The following PWWP2B variants were observed in gnomAD, a reference collection of about 807,000 sequenced individuals.
The protein encoded by PWWP2B is PWWP domain containing 2B.
PWWP2B carries 9 observed loss-of-function variants against 15.5 expected under a neutral mutation model. That is an observed-to-expected ratio of 0.58 (90% CI 0.35 to 1.02). The LOEUF (loss-of-function observed/expected upper bound fraction) is 1.02, where lower values mean the gene tolerates loss of function less well. Among genes scored for constraint, PWWP2B ranks in the 50% least tolerant of loss-of-function variants. The probability of loss-of-function intolerance (pLI) is 0.02; values close to 1 mark genes in which losing one functional copy is unlikely to be tolerated. For missense variants in PWWP2B, 864 were observed against 865.3 expected (o/e 1.00, Z 0.02); for synonymous variants, 474 against 403.6 (o/e 1.17, Z -2.09).
chr10:132,406,399 C>A, intron 2 of PWWP2B, 110 bp downstream of exon 2: 1 of 974,482 alleles, frequency 1.0e-6, no homozygotes, highest in South Asian at 1.8e-5. Context: ...CCGCCTGTGC[C>A]CCTCAGCTGG....
At chr10:132,404,222 A>G (rs112765631) in intron 1 of PWWP2B, among the ~76,000 whole-genome samples, 7,512 of 151,962 alleles carry the variant, frequency 0.049, 202 homozygotes, top group Middle Eastern at 0.11. Context: ...AAGGAGCCTG[A>G]GTTTTGGGGT....
rs975360491 is a variant in PWWP2B at position 132,405,026 on chromosome 10, G to A, written c.526G>A (p.Val176Met). ...CACCATCCGCCTGCGGCCGCGCCAG[G>A]TGCTCTGTGAGAAGTGCAAGAGCAC... ...LSTIRLRPRQVLCEKCKSTLS... is the reference protein window; with the variant it reads ...LSTIRLRPRQMLCEKCKSTLS... The change falls in exon 2 of 3, where the codon GTG (valine) becomes ATG (methionine). Residue 176 changes from valine (V) to methionine (M), a missense_variant. By Grantham distance (21) the Val-to-Met change is conservative. Around this residue, in one of 2 missense-constraint regions of PWWP2B, gnomAD observed 736 missense variants for 687.7 expected, o/e 1.07. Coordinates refer to ENST00000305233, the MANE Select transcript of PWWP2B (RefSeq NM_138499.4). 2 of 1,528,600 alleles carry A rather than the reference G, an allele frequency of 1.3e-6. No homozygotes were observed. The highest frequency in any genetic ancestry group is 1.8e-6 in the Non-Finnish European group (2 of 1,142,148). 94.7% of individuals were successfully genotyped at this position (1,528,600 alleles called of 1,614,324 possible).
In PWWP2B at chr10:132,405,502, C is replaced by T. The variant is rs1280391285; in HGVS notation, c.1002C>T (p.Arg334=). 2.5e-6 allele frequency: 4 copies of T among 1,603,750 alleles called. No individual in the cohort carries two copies. Among genetic ancestry groups the T allele is most frequent in the Non-Finnish European group, 3.4e-6 (4 of 1,179,418 alleles). ...AGADLPPPKI[R]LKPHRLGDSE... ...CGGACCTGCCGCCCCCTAAGATCCG[C>T]CTGAAGCCCCACCGTCTGGGGGACA... Residue 334 remains arginine, a synonymous_variant, in exon 2 of 3, where the codon CGC becomes CGT. Transcript: ENST00000305233.
At chr10:132,406,573 G>T (rs1564875485) in intron 2 of PWWP2B, among the ~76,000 whole-genome samples, 1 of 152,278 alleles carries the variant, frequency 6.6e-6, no homozygotes, top group Non-Finnish European at 1.5e-5. Flanking sequence ...TCAAAGGCCG[G>T]AAGGGAGCTT....
At position 132,400,290 on chromosome 10, in the gene PWWP2B, G is replaced by A. The variant is rs1002786494; in HGVS notation, c.125+2939G>A. Among the ~76,000 whole-genome samples, 6 of 152,184 alleles carry A rather than the reference G, an allele frequency of 3.9e-5. No homozygotes were observed. In the East Asian group the frequency reaches 5.8e-4, roughly 15 times the overall value. The stretch of plus-strand genomic sequence containing the variant: ...GCATGGCTGGTCTTCGGAGCGTCTC[G>A]AGGGGATGGCATCTGAGTGAGTGGG... On this transcript the variant is annotated intron_variant, in intron 1 of 2. Transcript: ENST00000305233.
At chr10:132,402,857 T>C (rs1249828965) in intron 1 of PWWP2B, among the ~76,000 whole-genome samples, 1 of 152,248 alleles carries the variant, frequency 6.6e-6, no homozygotes, top group African/African-American at 2.4e-5. Context: ...ACCTGGGGGC[T>C]GTGCTGTGTG....
intron 2 of PWWP2B, among the ~76,000 whole-genome samples, chr10:132,414,166 C>T (rs943999205): frequency 7.2e-5 from 11 of 152,226 alleles, no homozygotes; most frequent in African/African-American, 1.2e-4. Flanking sequence ...AAGGCTCCTG[C>T]GAAGGCCACT....
chr10:132,400,051 G>T (rs928264559), intron 1 of PWWP2B, among the ~76,000 whole-genome samples: 1 of 152,194 alleles, frequency 6.6e-6, no homozygotes, highest in Non-Finnish European at 1.5e-5. Flanking sequence ...TGCCTGTCCC[G>T]GCAGAAGGGC....
chr10:132,415,644 C>T (rs1263591707), intron 2 of PWWP2B, among the ~76,000 whole-genome samples: 11 of 125,528 alleles, frequency 8.8e-5, no homozygotes, highest in African/African-American at 3.4e-4. Context: ...CACACACCCA[C>T]TCACACACAC....
intron 1 of PWWP2B, 72 bp from the exon 2 acceptor site, chr10:132,404,552 GCT>G (rs989501084): frequency 1.5e-6 from 2 of 1,341,386 alleles, no homozygotes; most frequent in Non-Finnish European, 2.1e-6. Flanking sequence ...GGGGGCCTTG[GCT>G]CTGGGGGCTG....
intron 2 of PWWP2B, among the ~76,000 whole-genome samples, chr10:132,416,702 T>C (rs890737444): frequency 3.3e-5 from 5 of 151,938 alleles, no homozygotes; most frequent in Non-Finnish European, 5.9e-5. Context: ...CGGAGTCATG[T>C]ATGGGGGTCC....
At chr10:132,409,019 G>A (rs1168840030) in intron 2 of PWWP2B, among the ~76,000 whole-genome samples, 1 of 152,242 alleles carries the variant, frequency 6.6e-6, no homozygotes, top group African/African-American at 2.4e-5. Context: ...GGCTGGGCTG[G>A]CCTCCTGTGC....
Position 132,405,469 on chromosome 10 carries a change from G to C in PWWP2B, c.969G>C (p.Pro323=). The C allele has an allele frequency of 6.2e-7, 1 of 1,605,922 alleles. No homozygotes were observed. The highest frequency in any genetic ancestry group is 8.5e-7 in the Non-Finnish European group (1 of 1,179,428). ...AGTTGAAACTGACACGGCCTGTGCC[G>C]GCCGGCGCGGACCTGCCGCCCCCTA... The part of the protein sequence containing the change: ...IPKLKLTRPV[P]AGADLPPPKI... The change falls in exon 2 of 3, where the codon CCG becomes CCC. Residue 323 remains proline (P), a synonymous_variant. Transcript: ENST00000305233.
rs1037013033 is a variant in PWWP2B, at chr10:132,405,373, C to T, written c.873C>T (p.Ser291=). The change falls in exon 2 of 3, where the codon AGC becomes AGT. Residue 291 remains serine (S), a synonymous_variant. Transcript: ENST00000305233. ...AGCAGGCCCCGCAGGACGACGGCAGCCAGGACCCCGAGGTGCTGGACAGAG... is the reference window on the plus strand; with the variant it reads ...AGCAGGCCCCGCAGGACGACGGCAGTCAGGACCCCGAGGTGCTGGACAGAG... ...RPQQAPQDDG[S]QDPEVLDRES... The T allele has an allele frequency of 1.3e-5, 21 of 1,611,020 alleles. No individual in the cohort carries two copies. Among genetic ancestry groups the T allele is most frequent in the Non-Finnish European group, 1.7e-5 (20 of 1,178,982 alleles).
Position 132,405,561 on chromosome 10 carries a change from TGGG to T in PWWP2B, c.1064_1066del (p.Gly355del). 6.2e-7 allele frequency: 1 copy of T among 1,606,672 alleles called. No individual in the cohort carries two copies. Among genetic ancestry groups the T allele is most frequent in the Non-Finnish European group, 8.5e-7 (1 of 1,179,064 alleles). On this transcript the variant is annotated inframe_deletion, in exon 2 of 3. Coordinates refer to ENST00000305233, the MANE Select transcript of PWWP2B (RefSeq NM_138499.4). Reference sequence around the variant, plus strand: ...GAGCCCGTGTACCGGGCCGAGCTGGTGGGGGAGCTGAACGGGTACCTGCGGGAC... The same window carrying T: ...GAGCCCGTGTACCGGGCCGAGCTGGTGGAGCTGAACGGGTACCTGCGGGAC...
rs753483839 is a variant in PWWP2B, at chr10:132,406,041, G to T, written c.1541G>T (p.Gly514Val). Reference protein sequence around the residue: ...WPARVLDISLGQKEDGEPSWR... With the variant: ...WPARVLDISLVQKEDGEPSWR... The stretch of plus-strand genomic sequence containing the variant: ...GCGCGTGTTCTTGACATCAGTCTCG[G>T]CCAGAAGGAGGACGGAGAGCCGTCT... Residue 514 changes from glycine to valine, a missense_variant, in exon 2 of 3, where the codon GGC becomes GTC. By Grantham distance (109) the Gly-to-Val change is moderately radical. This residue lies in a region of PWWP2B where 128 missense variants were observed against 177.6 expected (regional missense o/e 0.72). Coordinates refer to ENST00000305233, the MANE Select transcript of PWWP2B (RefSeq NM_138499.4). 8 of 1,613,768 alleles carry T rather than the reference G, an allele frequency of 5.0e-6. No individual in the cohort carries two copies. The South Asian group carries it at 5.5e-5, about 11-fold the overall frequency.
Position 132,405,476 on chromosome 10 carries a change from G to C in PWWP2B, c.976G>C (p.Ala326Pro), listed in dbSNP as rs911653247. Residue 326 changes from alanine (A) to proline (P), a missense_variant, in exon 2 of 3, where the codon GCG (alanine) becomes CCG (proline). By Grantham distance (27) the Ala-to-Pro change is conservative. This residue lies in a region of PWWP2B where 736 missense variants were observed against 687.7 expected (regional missense o/e 1.07). Transcript: ENST00000305233. ...ACTGACACGGCCTGTGCCGGCCGGC[G>C]CGGACCTGCCGCCCCCTAAGATCCG... Reference protein sequence around the residue: ...LKLTRPVPAGADLPPPKIRLK... With the variant: ...LKLTRPVPAGPDLPPPKIRLK... The C allele has an allele frequency of 6.2e-7, 1 of 1,605,148 alleles. No homozygotes were observed. Among genetic ancestry groups the C allele is most frequent in the African/African-American group, 1.3e-5 (1 of 74,914 alleles).
At chr10:132,403,614 A>G (rs2069640769) in intron 1 of PWWP2B, among the ~76,000 whole-genome samples, 1 of 152,224 alleles carries the variant, frequency 6.6e-6, no homozygotes, top group Admixed American at 6.5e-5. Context: ...CCTGCACTCT[A>G]GGACGTGAGC....
chr10:132,415,631 ACT>A (rs1016050996), intron 2 of PWWP2B, among the ~76,000 whole-genome samples: 1 of 136,726 alleles, frequency 7.3e-6, no homozygotes, highest in Non-Finnish European at 1.5e-5. Flanking sequence ...TCACACATCC[ACT>A]CACACACCCA....
Sources: allele counts gnomAD v4.1 joint callset (sites outside exome capture counted in the v4.1 genomes callset), GRCh38; gene constraint gnomAD v4.1.1; regional missense constraint gnomAD v4.1.1; transcripts MANE v1.5; gene names NCBI Gene and HGNC (gene_info 2026-07-23, HGNC 2026-07-21).